CNTN5: variants seen among roughly 807,000 people sequenced by gnomAD.
CNTN5 encodes the protein contactin-5.
A neutral mutation model predicts 129.1 loss-of-function variants in CNTN5; 77 were observed. That is an observed-to-expected ratio of 0.60 (90% CI 0.50 to 0.72). The LOEUF is 0.72. CNTN5 is among the 30% of genes least tolerant of loss of function. The pLI is 0.00. For synonymous variants in CNTN5, 509 were observed against 465.6 expected, an observed-to-expected ratio of 1.09 and a Z score of -1.20; for missense variants, 1,478 against 1,328.8, an observed-to-expected ratio of 1.11 and a Z score of -1.75.
chr11:99,705,936 G>A (rs2134909450), intron 3 of CNTN5, among the ~76,000 whole-genome samples: 1 of 151,532 alleles, frequency 6.6e-6, no homozygotes, highest in South Asian at 2.1e-4. Flanking sequence ...AGAGCAGAGT[G>A]TTGGGATAGC....
intron 1 of CNTN5, among the ~76,000 whole-genome samples, chr11:99,059,023 C>G (rs1200747923): frequency 6.7e-6 from 1 of 149,296 alleles, no homozygotes; most frequent in East Asian, 1.9e-4. Context: ...TAAAGGAAAG[C>G]ATATTATCCC....
At chr11:100,208,010 T>C (rs866130569) in intron 15 of CNTN5, among the ~76,000 whole-genome samples, 50 of 152,300 alleles carry the variant, frequency 3.3e-4, no homozygotes, top group Middle Eastern at 6.8e-3. Context: ...CTGACTGGAA[T>C]AACTCATTAG....
chr11:100,110,720 T>A (rs1945628738), intron 13 of CNTN5, among the ~76,000 whole-genome samples: 1 of 152,194 alleles, frequency 6.6e-6, no homozygotes, highest in African/African-American at 2.4e-5. Context: ...AAATGTCCAA[T>A]GACAAATCTG....
At chr11:100,180,950 G>T (rs1948121423) in intron 13 of CNTN5, among the ~76,000 whole-genome samples, 1 of 151,930 alleles carries the variant, frequency 6.6e-6, no homozygotes, top group African/African-American at 2.4e-5. Flanking sequence ...ATACATTGCT[G>T]GTATGAATGT....
chr11:99,751,247 G>T (rs772264615), intron 3 of CNTN5, among the ~76,000 whole-genome samples: 15 of 152,304 alleles, frequency 9.8e-5, no homozygotes, highest in Non-Finnish European at 1.6e-4. Context: ...TAAGGCAAGA[G>T]AATTGCTTGA....
chr11:100,307,317 G>A (rs1186493379), intron 20 of CNTN5, among the ~76,000 whole-genome samples: 4 of 151,636 alleles, frequency 2.6e-5, no homozygotes, highest in Admixed American at 6.6e-5. Context: ...TTTTTATGGG[G>A]TAGAATTTTA....
chr11:99,240,082 T>C (rs1254181212), intron 1 of CNTN5, among the ~76,000 whole-genome samples: 1 of 152,212 alleles, frequency 6.6e-6, no homozygotes, highest in Non-Finnish European at 1.5e-5. Context: ...AGGCCACAAA[T>C]TAAAGTTGAC....
chr11:99,600,887 T>A (rs1950292235), intron 3 of CNTN5, among the ~76,000 whole-genome samples: 2 of 152,226 alleles, frequency 1.3e-5, no homozygotes, highest in African/African-American at 2.4e-5. Flanking sequence ...TTGATCATTG[T>A]TAATTTCTAA....
chr11:99,790,536 C>G (rs1021654200), intron 3 of CNTN5, among the ~76,000 whole-genome samples: 1 of 152,002 alleles, frequency 6.6e-6, no homozygotes, highest in Non-Finnish European at 1.5e-5. Context: ...TGTTCTATAG[C>G]GTGTGTGTAT....
intron 2 of CNTN5, among the ~76,000 whole-genome samples, chr11:99,466,427 TGATATTCTTTTTTC>T (rs1944945839): frequency 6.6e-6 from 1 of 152,188 alleles, no homozygotes; most frequent in Non-Finnish European, 1.5e-5. Flanking sequence ...TCGATATCTT[TGATATTCTTTTTTC>T]AGAACCCCAT....
intron 3 of CNTN5, among the ~76,000 whole-genome samples, chr11:99,589,453 G>A (rs984790687): frequency 6.6e-6 from 1 of 152,114 alleles, no homozygotes; most frequent in Non-Finnish European, 1.5e-5. Flanking sequence ...TCCAAAGAAG[G>A]ATCTGAAGTA....
At chr11:99,710,403 G>A (rs1213726705) in intron 3 of CNTN5, among the ~76,000 whole-genome samples, 3 of 151,800 alleles carry the variant, frequency 2.0e-5, no homozygotes, top group African/African-American at 7.3e-5. Flanking sequence ...TACTGTTGTA[G>A]CATTAAGTGA....
intron 1 of CNTN5, among the ~76,000 whole-genome samples, chr11:99,303,059 T>C (rs563769503): frequency 1.4e-4 from 21 of 151,932 alleles, no homozygotes; most frequent in African/African-American, 5.1e-4. Context: ...CACAAAATTA[T>C]ATAAATAACT....
intron 18 of CNTN5, among the ~76,000 whole-genome samples, chr11:100,283,694 C>T (rs528423103): frequency 6.6e-6 from 1 of 152,264 alleles, no homozygotes; most frequent in Non-Finnish European, 1.5e-5. Flanking sequence ...ACCTGTAATC[C>T]CAGCACTTTG....
intron 13 of CNTN5, among the ~76,000 whole-genome samples, chr11:100,136,959 A>G (rs571206755): frequency 6.6e-6 from 1 of 152,086 alleles, no homozygotes; most frequent in African/African-American, 2.4e-5. Context: ...ATGAATTCAG[A>G]TATTTTTATC....
intron 21 of CNTN5, among the ~76,000 whole-genome samples, chr11:100,316,704 T>G (rs903483205): frequency 6.6e-6 from 1 of 152,228 alleles, no homozygotes; most frequent in Non-Finnish European, 1.5e-5. Flanking sequence ...ATATTCTGCC[T>G]GTGGAACAAA....
At chr11:99,100,958 C>A (rs138842585) in intron 1 of CNTN5, among the ~76,000 whole-genome samples, 1 of 152,148 alleles carries the variant, frequency 6.6e-6, no homozygotes, top group African/African-American at 2.4e-5. Flanking sequence ...TTGTATTAGT[C>A]CATTTTCACA....
At chr11:99,731,923 T>G (rs143110378) in intron 3 of CNTN5, among the ~76,000 whole-genome samples, 2 of 152,210 alleles carry the variant, frequency 1.3e-5, no homozygotes, top group African/African-American at 4.8e-5. Flanking sequence ...AAGGGACATA[T>G]GCATGCTAGA....
At chr11:99,312,490 CG>C (rs1190243583) in intron 1 of CNTN5, among the ~76,000 whole-genome samples, 1 of 151,996 alleles carries the variant, frequency 6.6e-6, no homozygotes, top group African/African-American at 2.4e-5. Context: ...ATTTTTTCTC[CG>C]AATGGTAGTT....
Sources: gnomAD v4.1 joint callset for allele counts (sites outside exome capture counted in the v4.1 genomes callset) on GRCh38, gnomAD v4.1.1 for gene constraint, MANE v1.5 for transcripts, NCBI Gene and HGNC (gene_info 2026-07-23, HGNC 2026-07-21) for gene names.